The following LCA5L variants were observed in gnomAD, a reference collection of about 807,000 sequenced individuals.
The protein encoded by LCA5L is lebercilin LCA5 like, also known as lebercilin-like protein.
A neutral mutation model predicts 45.4 loss-of-function variants in LCA5L; 35 were observed. That is an observed-to-expected ratio of 0.77 (90% CI 0.59 to 1.02). The LOEUF is 1.02. Ranked by LOEUF, LCA5L falls within the 50% of genes least tolerant of loss-of-function variation. The pLI, the probability that LCA5L is intolerant of heterozygous loss-of-function variation, is 0.00. For missense variants in LCA5L, 668 were observed against 761.6 expected (o/e 0.88, Z 1.45); for synonymous variants, 233 against 264.7 (o/e 0.88, Z 1.16).
intron 5 of LCA5L, among the ~76,000 whole-genome samples, chr21:39,426,952 CAAAA>C (rs542286938): frequency 6.6e-6 from 1 of 152,078 alleles, no homozygotes; most frequent in Non-Finnish European, 1.5e-5. Context: ...CACATAGACA[CAAAA>C]AAATGCATAG....
chr21:39,419,533 AAAG>A (rs1401909506), intron 7 of LCA5L, among the ~76,000 whole-genome samples: 10 of 138,112 alleles, frequency 7.2e-5, no homozygotes, highest in African/African-American at 2.4e-4. Flanking sequence ...CAAAAAAAAA[AAAG>A]AAAAAAGAAA....
rs1035259658 is a variant in LCA5L, at chr21:39,409,927, T to A, written c.1282+52A>T. On this transcript the variant is annotated intron_variant, in intron 10 of 10. Coordinates refer to ENST00000288350, the MANE Select transcript of LCA5L (RefSeq NM_152505.4). The surrounding 1 kb of genome is among the most constrained non-coding windows in gnomAD (Gnocchi z 4.2). ...TGTGCTTTATATACACATATAGTAA[T>A]TCACAATTTTAAAGAAATCAGATAA... is the stretch of plus-strand genomic sequence containing the variant. 4.8e-6 allele frequency: 5 copies of A among 1,045,806 alleles called. No homozygotes were observed. In the African/African-American group the frequency reaches 8.0e-5, roughly 17 times the overall value. 64.8% of individuals were successfully genotyped at this position (1,045,806 alleles called of 1,614,324 possible).
intron 5 of LCA5L, among the ~76,000 whole-genome samples, chr21:39,425,526 T>C (rs776288591): frequency 2.2e-4 from 33 of 152,112 alleles, no homozygotes; most frequent in Non-Finnish European, 4.1e-4. Flanking sequence ...CTGAGCACAG[T>C]AAGTGGAAAG....
chr21:39,411,684 A>G, intron 8 of LCA5L, 34 bp downstream of exon 8: 1 of 1,156,944 alleles, frequency 8.6e-7, no homozygotes. Context: ...AGATACTTAA[A>G]AATAGATTTT....
intron 3 of LCA5L, among the ~76,000 whole-genome samples, chr21:39,433,261 T>G (rs2075927562): frequency 6.6e-6 from 1 of 151,788 alleles, no homozygotes; most frequent in East Asian, 1.9e-4. Context: ...TACCAAAAAA[T>G]AAGAAAATTA....
Position 39,411,806 on chromosome 21 carries a change from A to G in LCA5L, c.976-4T>C. ...TTTCAAGCTCACGATCCTTTTCCTA[A>G]AAAGAACCACAAAACCAATTTTTCT... On this transcript the variant is annotated splice_region_variant and splice_polypyrimidine_tract_variant and intron_variant, in intron 7 of 10. Transcript: ENST00000288350. 1.3e-6 allele frequency: 2 copies of G among 1,564,968 alleles called. No homozygotes were observed. The highest frequency in any genetic ancestry group is 1.7e-6 in the Non-Finnish European group (2 of 1,151,144).
chr21:39,436,558 T>C (rs1352095575), intron 2 of LCA5L, among the ~76,000 whole-genome samples: 1 of 152,194 alleles, frequency 6.6e-6, no homozygotes, highest in African/African-American at 2.4e-5. Flanking sequence ...CTCAGCTCAC[T>C]GCAGTCTCGA....
chr21:39,425,062 C>A (rs1189769262), intron 5 of LCA5L, among the ~76,000 whole-genome samples: 2 of 152,106 alleles, frequency 1.3e-5, no homozygotes, highest in Admixed American at 6.5e-5. Context: ...TATGTGTGCA[C>A]CTGTGTATGT....
At chr21:39,438,675 C>T (rs1420006065) in intron 2 of LCA5L, 2 of 152,048 alleles carry the variant, frequency 1.3e-5, no homozygotes, top group Non-Finnish European at 2.9e-5. Context: ...AAAAGATGTT[C>T]GAACTTACTC....
intron 7 of LCA5L, among the ~76,000 whole-genome samples, chr21:39,419,632 G>A (rs2147571367): frequency 6.6e-6 from 1 of 152,214 alleles, no homozygotes; most frequent in South Asian, 2.1e-4. Flanking sequence ...TACGACGTGG[G>A]CCTTTTGGGA....
chr21:39,410,926 A>G (rs1247929718), intron 8 of LCA5L: 3 of 471,160 alleles, frequency 6.4e-6, no homozygotes, highest in South Asian at 4.6e-5. Flanking sequence ...TACTTCTTCT[A>G]ATAAAACAGA....
Position 39,420,822 on chromosome 21 carries a change from A to C in LCA5L, c.859T>G (p.Leu287Val). ...TGCCGGCTAAAGGCTCTGCAGTTCA[A>C]CCTCAGTTGTTTTTCCAAGCTCTGA... ...KIQSLEKQLR[L>V]NCRAFSRQLA... The change falls in exon 7 of 11, where the codon TTG (leucine) becomes GTG (valine). Residue 287 changes from leucine to valine, a missense_variant. Leu to Val is a conservative substitution (Grantham distance 32, BLOSUM62 1). Coordinates refer to ENST00000288350, the MANE Select transcript of LCA5L (RefSeq NM_152505.4). 6.2e-7 allele frequency: 1 copy of C among 1,612,634 alleles called. No homozygotes were observed.
At chr21:39,443,026 G>A (rs1212491246) in intron 2 of LCA5L, among the ~76,000 whole-genome samples, 1 of 152,208 alleles carries the variant, frequency 6.6e-6, no homozygotes, top group Non-Finnish European at 1.5e-5. Context: ...GGTCACAGAA[G>A]CCAAGGGAAG....
intron 8 of LCA5L, chr21:39,410,716 T>G (rs953928971): frequency 4.5e-5 from 18 of 396,644 alleles, no homozygotes; most frequent in Non-Finnish European, 8.5e-5. Flanking sequence ...AGCTCTTGAT[T>G]ATCAGTGGTT....
chr21:39,427,789 G>C (rs991988633), intron 5 of LCA5L: 2 of 156,286 alleles, frequency 1.3e-5, no homozygotes, highest in Non-Finnish European at 2.8e-5. Context: ...TTGGGGTGCT[G>C]AGATAGGTAT....
intron 7 of LCA5L, 43 bp from the exon 8 acceptor site, chr21:39,411,845 T>G: frequency 1.8e-6 from 2 of 1,097,534 alleles, no homozygotes; most frequent in Non-Finnish European, 2.7e-6. Context: ...AATGCTTGCT[T>G]TTGTCAACCC....
At position 39,422,959 on chromosome 21, in the gene LCA5L, G is replaced by A. The variant is rs371635180; in HGVS notation, c.837+17C>T. 1.9e-5 allele frequency: 31 copies of A among 1,609,004 alleles called. No individual in the cohort carries two copies. The African/African-American group carries it at 3.9e-4, about 20-fold the overall frequency. ...AACTTTGGAATCTTAAACTGTCTGG[G>A]CCCCTGAAATACAGACCTGTATTTT... is the stretch of plus-strand genomic sequence containing the variant. On this transcript the variant is annotated intron_variant, in intron 6 of 10. Transcript: ENST00000288350.
At position 39,436,583 on chromosome 21, in the gene LCA5L, G is replaced by A. The variant is rs563023902; in HGVS notation, c.-245-1010C>T. On this transcript the variant is annotated intron_variant, in intron 2 of 10. Coordinates refer to ENST00000288350, the MANE Select transcript of LCA5L (RefSeq NM_152505.4). ...TGCAGTCTCGACCTCCTGGGCTCACGCGATCCTCCTGCCTCAGCTTTTCAA... is the reference window on the plus strand; with the variant it reads ...TGCAGTCTCGACCTCCTGGGCTCACACGATCCTCCTGCCTCAGCTTTTCAA... 2.7e-4 allele frequency among the ~76,000 whole-genome samples: 41 copies of A among 152,218 alleles called. No homozygotes were observed. The South Asian group carries it at 8.3e-3, about 31-fold the overall frequency.
At chr21:39,445,031 C>A (rs187603960) in intron 1 of LCA5L, among the ~76,000 whole-genome samples, 1 of 151,784 alleles carries the variant, frequency 6.6e-6, no homozygotes, top group Non-Finnish European at 1.5e-5. Context: ...TGAGTACAGG[C>A]GACTGGATGA....
Sources: allele counts gnomAD v4.1 joint callset (sites outside exome capture counted in the v4.1 genomes callset), GRCh38; gene constraint gnomAD v4.1.1; non-coding constraint Gnocchi (gnomAD v3.1); transcripts MANE v1.5; gene names NCBI Gene and HGNC (gene_info 2026-07-23, HGNC 2026-07-21).